FAM135B: variants seen among roughly 807,000 people sequenced by gnomAD.
The protein encoded by FAM135B is family with sequence similarity 135 member B.
Under a neutral mutation model 127.7 loss-of-function variants are expected in FAM135B, and 43 were observed. The ratio of observed to expected loss-of-function variants is 0.34; its 90% CI spans 0.26 to 0.43. FAM135B has a LOEUF of 0.43. Ranked by LOEUF, FAM135B falls within the 20% of genes least tolerant of loss-of-function variation. The pLI is 1.00. For missense variants in FAM135B, 1,558 were observed against 1,725.6 expected (o/e 0.90, Z 1.72); for synonymous variants, 670 against 665.1 (o/e 1.01, Z -0.11).
intron 1 of FAM135B, among the ~76,000 whole-genome samples, chr8:138,380,553 C>T (rs1472489253): frequency 6.6e-6 from 1 of 152,078 alleles, no homozygotes; most frequent in Non-Finnish European, 1.5e-5. Flanking sequence ...TCCCTACCAC[C>T]ACCTTGTCCA....
At chr8:138,350,999 T>G (rs1034501997) in intron 2 of FAM135B, among the ~76,000 whole-genome samples, 13 of 152,174 alleles carry the variant, frequency 8.5e-5, no homozygotes, top group African/African-American at 2.9e-4. Flanking sequence ...CCTGGGACTT[T>G]CATGGTCTTA....
At chr8:138,284,133 A>G (rs1285802072) in intron 3 of FAM135B, among the ~76,000 whole-genome samples, 2 of 152,226 alleles carry the variant, frequency 1.3e-5, no homozygotes, top group Non-Finnish European at 1.5e-5. Flanking sequence ...AAAGAGAATT[A>G]AAAAATATTT....
At chr8:138,491,142 C>CAAAAA (rs796189435) in intron 1 of FAM135B, among the ~76,000 whole-genome samples, 4 of 73,682 alleles carry the variant, frequency 5.4e-5, no homozygotes, top group African/African-American at 9.0e-5. Flanking sequence ...AACTCTCTCT[C>CAAAAA]AAAAAAAAAA....
intron 3 of FAM135B, among the ~76,000 whole-genome samples, chr8:138,273,438 T>C (rs1288747577): frequency 6.6e-6 from 1 of 152,194 alleles, no homozygotes; most frequent in African/African-American, 2.4e-5. Flanking sequence ...ACTCCTGACC[T>C]CGTGATCCGC....
chr8:138,416,123 A>C (rs995495751), intron 1 of FAM135B, among the ~76,000 whole-genome samples: 6 of 152,186 alleles, frequency 3.9e-5, no homozygotes, highest in African/African-American at 1.4e-4. Context: ...TGTAAGGCAC[A>C]GTTTAGATGG....
At chr8:138,236,143 T>C (rs2130279106) in intron 7 of FAM135B, among the ~76,000 whole-genome samples, 1 of 152,218 alleles carries the variant, frequency 6.6e-6, no homozygotes, top group South Asian at 2.1e-4. Context: ...CCAACACTCA[T>C]TTACTCAACA....
At chr8:138,208,106 GT>G in intron 7 of FAM135B, among the ~76,000 whole-genome samples, 2 of 152,296 alleles carry the variant, frequency 1.3e-5, no homozygotes, top group South Asian at 4.1e-4. Context: ...CCACTCCACT[GT>G]GGACAGACTG....
chr8:138,399,363 T>C (rs761290790), intron 1 of FAM135B, among the ~76,000 whole-genome samples: 27 of 152,200 alleles, frequency 1.8e-4, no homozygotes, highest in Non-Finnish European at 3.4e-4. Context: ...CAGAGCAGTA[T>C]TCAAATCTAG....
chr8:138,415,041 G>A (rs1834062382), intron 1 of FAM135B, among the ~76,000 whole-genome samples: 1 of 152,170 alleles, frequency 6.6e-6, no homozygotes, highest in Admixed American at 6.5e-5. Flanking sequence ...ATGGGAAGAT[G>A]TAAAACTCAA....
At chr8:138,182,565 T>C (rs1815160546) in intron 9 of FAM135B, among the ~76,000 whole-genome samples, 1 of 152,214 alleles carries the variant, frequency 6.6e-6, no homozygotes, top group Admixed American at 6.5e-5. Flanking sequence ...CAAACATAAA[T>C]GCATACAGTC....
At chr8:138,192,831 G>A (rs546970902) in intron 9 of FAM135B, among the ~76,000 whole-genome samples, 14 of 152,236 alleles carry the variant, frequency 9.2e-5, no homozygotes, top group African/African-American at 1.9e-4. Context: ...TGCTATCCCC[G>A]TCTTGCTAAA....
In FAM135B at chr8:138,143,373, C is replaced by T. The variant is rs538176318; in HGVS notation, c.3541-264G>A. Among the ~76,000 whole-genome samples the T allele has an allele frequency of 1.2e-4, 19 of 152,312 alleles. No individual in the cohort carries two copies. In the East Asian group the frequency reaches 3.7e-3, roughly 29 times the overall value. On this transcript the variant is annotated intron_variant, in intron 15 of 19. Transcript: ENST00000395297. Reference sequence around the variant, plus strand: ...AGCAAGCTTGTGGTGCCGACTGCCACACCACGTGCCTGGCGTGTCAGCGTG... The same window carrying T: ...AGCAAGCTTGTGGTGCCGACTGCCATACCACGTGCCTGGCGTGTCAGCGTG...
At chr8:138,296,193 C>T (rs1353794059) in intron 3 of FAM135B, among the ~76,000 whole-genome samples, 8 of 152,206 alleles carry the variant, frequency 5.3e-5, no homozygotes, top group African/African-American at 1.7e-4. Flanking sequence ...GCATCCTCAT[C>T]AACTTGTTTT....
chr8:138,495,745 A>C (rs1472631023), intron 1 of FAM135B, among the ~76,000 whole-genome samples: 1 of 152,174 alleles, frequency 6.6e-6, no homozygotes, highest in East Asian at 1.9e-4. Context: ...CTGCAGATGT[A>C]GTTAACAGTC....
At chr8:138,261,863 A>T (rs976984570) in intron 4 of FAM135B, among the ~76,000 whole-genome samples, 6 of 152,238 alleles carry the variant, frequency 3.9e-5, no homozygotes, top group Admixed American at 2.6e-4. Flanking sequence ...GTCTATGTGC[A>T]TCCGTGAACA....
chr8:138,322,069 G>T (rs1827486213), intron 2 of FAM135B, among the ~76,000 whole-genome samples: 1 of 152,184 alleles, frequency 6.6e-6, no homozygotes, highest in Non-Finnish European at 1.5e-5. Context: ...AATTCCCAAG[G>T]ATTCAAAACT....
chr8:138,352,580 TA>T (rs1829848731), intron 2 of FAM135B, among the ~76,000 whole-genome samples: 1 of 152,186 alleles, frequency 6.6e-6, no homozygotes, highest in Non-Finnish European at 1.5e-5. Flanking sequence ...CCTCTGTCTC[TA>T]AACACTTGAG....
chr8:138,287,315 T>C (rs1824766028), intron 3 of FAM135B, among the ~76,000 whole-genome samples: 1 of 152,126 alleles, frequency 6.6e-6, no homozygotes, highest in African/African-American at 2.4e-5. Context: ...TCAACCTCCT[T>C]AGTAATTAGG....
chr8:138,291,196 G>C (rs1486198314), intron 3 of FAM135B, among the ~76,000 whole-genome samples: 1 of 152,192 alleles, frequency 6.6e-6, no homozygotes, highest in Non-Finnish European at 1.5e-5. Flanking sequence ...GATCAAGGTA[G>C]CTATATTTAG....
Sources: allele counts gnomAD v4.1 joint callset (sites outside exome capture counted in the v4.1 genomes callset), GRCh38; gene constraint gnomAD v4.1.1; transcripts MANE v1.5; gene names NCBI Gene and HGNC (gene_info 2026-07-23, HGNC 2026-07-21).